ALDH1L2: variants seen among roughly 807,000 people sequenced by gnomAD.
The protein encoded by ALDH1L2 is mitochondrial 10-formyltetrahydrofolate dehydrogenase.
A neutral mutation model predicts 111.0 loss-of-function variants in ALDH1L2; 91 were observed. The observed-to-expected ratio is 0.82, with a 90% CI of 0.69 to 0.98. The LOEUF is 0.98. Among genes scored for constraint, ALDH1L2 ranks in the 50% least tolerant of loss-of-function variants. The probability of loss-of-function intolerance (pLI) is 0.00; values close to 1 mark genes in which losing one functional copy is unlikely to be tolerated. For synonymous variants in ALDH1L2, 374 were observed against 392.6 expected, an observed-to-expected ratio of 0.95 and a Z score of 0.56; for missense variants, 995 against 1,126.8, an observed-to-expected ratio of 0.88 and a Z score of 1.67.
In ALDH1L2 at chr12:105,061,065, CAG is replaced by C; in HGVS notation, c.1053_1054del (p.Ile351MetfsTer12). The C allele has an allele frequency of 1.2e-6, 2 of 1,613,456 alleles. No individual in the cohort carries two copies. The highest frequency in any genetic ancestry group is 1.7e-6 in the Non-Finnish European group (2 of 1,179,536). On this transcript the variant is annotated frameshift_variant, in exon 9 of 23. Transcript: ENST00000258494. LOFTEE classifies it high-confidence loss of function. ...GGGGACATTGCTTAAAATTCCAGCC[CAG>C]ATGACCTACACAAAAAGGAAACTCT...
rs774723298 is a variant in ALDH1L2 at position 105,061,668 on chromosome 12, C to G, written c.1006G>C (p.Glu336Gln). ...YFSTGETSVV[E>Q]LTAEEVKVAE... Reference sequence around the variant, plus strand: ...ACTTTCACCTCTTCAGCTGTCAGTTCTACCACTGACGTCTCACCCGTTGAA... The same window carrying G: ...ACTTTCACCTCTTCAGCTGTCAGTTGTACCACTGACGTCTCACCCGTTGAA... The change falls in exon 8 of 23, where the codon GAA becomes CAA. Residue 336 changes from glutamate (E) to glutamine (Q), a missense_variant. By Grantham distance (29) the Glu-to-Gln change is conservative (BLOSUM62 2). Transcript: ENST00000258494. The G allele has an allele frequency of 6.2e-7, 1 of 1,614,156 alleles. No homozygotes were observed. Among genetic ancestry groups the G allele is most frequent in the South Asian group, 1.1e-5 (1 of 91,082 alleles).
At chr12:105,040,033 A>G (rs7133683) in intron 16 of ALDH1L2, among the ~76,000 whole-genome samples, 47,771 of 148,252 alleles carry the variant, frequency 0.32, 8,236 homozygotes, top group South Asian at 0.51. Context: ...GGAGGCTGAG[A>G]GAGAATCACT....
intron 9 of ALDH1L2, 46 bp from the exon 10 acceptor site, chr12:105,058,266 G>T (rs1225977854): frequency 9.7e-6 from 15 of 1,551,388 alleles, no homozygotes; most frequent in Non-Finnish European, 1.0e-5. Flanking sequence ...TTTAAAAGGG[G>T]TTAGGAAGAT....
At chr12:105,059,128 G>A (rs866864228) in intron 9 of ALDH1L2, among the ~76,000 whole-genome samples, 14 of 152,068 alleles carry the variant, frequency 9.2e-5, no homozygotes, top group African/African-American at 2.4e-4. Flanking sequence ...TTAGCTGGGC[G>A]TGGTGGCATT....
chr12:105,079,600 G>A (rs1418230795), intron 1 of ALDH1L2, among the ~76,000 whole-genome samples: 5 of 152,224 alleles, frequency 3.3e-5, no homozygotes, highest in African/African-American at 7.2e-5. Context: ...CAAAGGGCTC[G>A]AGTCCAGAAA....
intron 22 of ALDH1L2, among the ~76,000 whole-genome samples, chr12:105,024,987 A>C (rs987220904): frequency 1.3e-5 from 2 of 152,238 alleles, no homozygotes; most frequent in African/African-American, 4.8e-5. Flanking sequence ...ACCTTATTTT[A>C]AAGATAAGGA....
At chr12:105,031,249 TTAAC>T (rs938952323) in intron 20 of ALDH1L2, among the ~76,000 whole-genome samples, 1 of 152,214 alleles carries the variant, frequency 6.6e-6, no homozygotes. Flanking sequence ...TCCATTTTCA[TTAAC>T]TATTTTCAGC....
At chr12:105,038,297 C>T (rs188231679) in intron 17 of ALDH1L2, 95 bp from the exon 18 acceptor site, 6 of 601,548 alleles carry the variant, frequency 1.0e-5, no homozygotes, top group Admixed American at 7.7e-5. Flanking sequence ...CACACACACA[C>T]ACACACACAC....
chr12:105,067,962 T>A (rs1877470936), intron 4 of ALDH1L2, among the ~76,000 whole-genome samples: 1 of 152,168 alleles, frequency 6.6e-6, no homozygotes, highest in East Asian at 1.9e-4. Context: ...GCTGTATAGA[T>A]GAAGAAACCA....
chr12:105,026,862 A>T, intron 21 of ALDH1L2, 118 bp from the exon 22 acceptor site: 2 of 1,275,054 alleles, frequency 1.6e-6, no homozygotes, highest in Non-Finnish European at 2.2e-6. Context: ...ATCTGCTTAA[A>T]TGTTTTTGTT....
chr12:105,033,167 T>C (rs1427682033), intron 19 of ALDH1L2, among the ~76,000 whole-genome samples: 2 of 152,216 alleles, frequency 1.3e-5, no homozygotes, highest in African/African-American at 4.8e-5. Context: ...CCAGGGACCA[T>C]GTCTGCCTTG....
intron 8 of ALDH1L2, 113 bp from the exon 9 acceptor site, chr12:105,061,185 C>T (rs934542060): frequency 6.8e-5 from 60 of 876,118 alleles, no homozygotes; most frequent in African/African-American, 5.7e-4. Flanking sequence ...CTCAGCTGTA[C>T]ATACAGCTGG....
intron 15 of ALDH1L2, among the ~76,000 whole-genome samples, chr12:105,042,378 A>G (rs1454574647): frequency 6.6e-6 from 1 of 151,230 alleles, no homozygotes; most frequent in East Asian, 1.9e-4. Context: ...GAAGCCTATT[A>G]ATTAGAGTTT....
chr12:105,026,687 C>A lies in ALDH1L2; in HGVS notation c.2574G>T (p.Gly858=). 6.2e-7 allele frequency: 1 copy of A among 1,614,162 alleles called. No homozygotes were observed. The highest frequency in any genetic ancestry group is 8.5e-7 in the Non-Finnish European group (1 of 1,180,018). ...CTTTGTTTATGTCTCTTGTAAAAAC[C>A]CCTGAGGCCAAACCATACTCTGTAC... is the stretch of plus-strand genomic sequence containing the variant. The part of the protein sequence containing the change: ...ANSTEYGLAS[G]VFTRDINKAM... The change falls in exon 22 of 23, where the codon GGG becomes GGT. Residue 858 remains glycine, a synonymous_variant. Coordinates refer to ENST00000258494, the MANE Select transcript of ALDH1L2 (RefSeq NM_001034173.4).
At position 105,070,893 on chromosome 12, in the gene ALDH1L2, T is replaced by G. The variant is rs964738514; in HGVS notation, c.194-89A>C. The G allele has an allele frequency of 8.1e-6, 9 of 1,109,222 alleles. No individual in the cohort carries two copies. In the Admixed American group the frequency reaches 2.3e-4, roughly 29 times the overall value. 68.7% of individuals were successfully genotyped at this position (1,109,222 alleles called of 1,614,324 possible). A position where few individuals can be genotyped will look rare whatever the true frequency, so the allele number is the denominator to read the frequency against. On this transcript the variant is annotated intron_variant, in intron 2 of 22. Transcript: ENST00000258494. ...CATATGTTGTAATTTTACAGTTTCATGAAATATTTACAAATAAAACATGGT... is the reference window on the plus strand; with the variant it reads ...CATATGTTGTAATTTTACAGTTTCAGGAAATATTTACAAATAAAACATGGT...
intron 1 of ALDH1L2, among the ~76,000 whole-genome samples, chr12:105,077,939 A>C (rs1332117755): frequency 6.6e-6 from 1 of 152,116 alleles, no homozygotes; most frequent in African/African-American, 2.4e-5. Context: ...AATAAAACAA[A>C]GTACATTTTC....
intron 21 of ALDH1L2, among the ~76,000 whole-genome samples, chr12:105,028,244 G>A (rs1046422165): frequency 2.0e-5 from 3 of 152,178 alleles, no homozygotes; most frequent in Non-Finnish European, 4.4e-5. Context: ...CTGAGTAGCT[G>A]AGATTACAGG....
intron 15 of ALDH1L2, among the ~76,000 whole-genome samples, chr12:105,045,885 T>TA (rs1020071772): frequency 6.6e-6 from 1 of 152,084 alleles, no homozygotes; most frequent in African/African-American, 2.4e-5. Context: ...GCCTACTACC[T>TA]AGTAAAGTTA....
At chr12:105,079,143 A>G (rs1022011773) in intron 1 of ALDH1L2, among the ~76,000 whole-genome samples, 7 of 152,182 alleles carry the variant, frequency 4.6e-5, no homozygotes, top group Non-Finnish European at 1.0e-4. Flanking sequence ...TTGTGTTGAG[A>G]ATGGAGCAGA....
Sources: allele counts gnomAD v4.1 joint callset (sites outside exome capture counted in the v4.1 genomes callset), GRCh38; gene constraint gnomAD v4.1.1; transcripts MANE v1.5; gene names NCBI Gene and HGNC (gene_info 2026-07-23, HGNC 2026-07-21).